GSDME: variants seen among roughly 807,000 people sequenced by gnomAD.
GSDME encodes the protein gasdermin-E.
Under a neutral mutation model 47.5 loss-of-function variants are expected in GSDME, and 44 were observed. The observed-to-expected ratio is 0.93, with a 90% CI of 0.73 to 1.19. GSDME has a LOEUF of 1.19. Among genes scored for constraint, GSDME ranks in the 50% most tolerant of loss-of-function variants. The pLI is 0.00. For synonymous variants in GSDME, 258 were observed against 252.8 expected, an observed-to-expected ratio of 1.02 and a Z score of -0.20; for missense variants, 663 against 604.2, an observed-to-expected ratio of 1.10 and a Z score of -1.02.
chr7:24,743,655 CTCCTT>C (rs1418530561), intron 3 of GSDME, among the ~76,000 whole-genome samples: 1 of 152,196 alleles, frequency 6.6e-6, no homozygotes, highest in Non-Finnish European at 1.5e-5. Context: ...CCCTCCGACT[CTCCTT>C]TCCTGCCCTC....
rs1240590980 is a variant in GSDME, at chr7:24,733,861, G to A, written c.404+10701C>T. On this transcript the variant is annotated intron_variant, in intron 3 of 9. Transcript: ENST00000645220. This position sits in a 1 kb window ranked among gnomAD's most constrained non-coding sequence, Gnocchi z 4.3. ...TGGGGCCCCAGGGAAATCACCTCAT[G>A]TCTGAGGGGAAGGACACAAGCCTGG... is the stretch of plus-strand genomic sequence containing the variant. Among the ~76,000 whole-genome samples, 1 of 152,218 alleles carries A rather than the reference G, an allele frequency of 6.6e-6. No homozygotes were observed. Among genetic ancestry groups the A allele is most frequent in the Non-Finnish European group, 1.5e-5 (1 of 68,034 alleles).
chr7:24,699,154 C>A lies in GSDME; in HGVS notation c.1363G>T (p.Ala455Ser), dbSNP rs776603496. 2 of 1,614,056 alleles carry A rather than the reference C, an allele frequency of 1.2e-6. No homozygotes were observed. The highest frequency in any genetic ancestry group is 2.7e-5 in the African/African-American group (2 of 74,928). Reference sequence around the variant, plus strand: ...TTCAGTCTCTCCAGACTAATGTCAGCTGAGGCAAACAAGCGCTGCACAATC... The same window carrying A: ...TTCAGTCTCTCCAGACTAATGTCAGATGAGGCAAACAAGCGCTGCACAATC... ...FGIVQRLFAS[A>S]DISLERLKSS... The change falls in exon 10 of 10, where the codon GCT becomes TCT. Residue 455 changes from alanine to serine, a missense_variant. Coordinates refer to ENST00000645220, the MANE Select transcript of GSDME (RefSeq NM_001127453.2).
the GSDME span, among the ~76,000 whole-genome samples, chr7:24,775,870 A>G: frequency 5.3e-5 from 4 of 75,076 alleles, no homozygotes; most frequent in African/African-American, 2.0e-4. Context: ...GTGAGATTCC[A>G]TCTCAAAAAA....
chr7:24,717,432 T>TC, intron 4 of GSDME, 58 bp from the exon 5 acceptor site: 2 of 1,613,044 alleles, frequency 1.2e-6, no homozygotes, highest in Non-Finnish European at 1.7e-6. Flanking sequence ...GCTGCTCTGT[T>TC]CCCCACTGCA....
In GSDME at chr7:24,705,971, G is replaced by A; in HGVS notation, c.1183+213C>T. The A allele has an allele frequency of 1.5e-6, 1 of 645,628 alleles. No homozygotes were observed. Among genetic ancestry groups the A allele is most frequent in the Admixed American group, 2.3e-5 (1 of 43,406 alleles). The allele number at this position is 645,628 out of a possible 1,614,324, so 40.0% of individuals were successfully genotyped here. On this transcript the variant is annotated intron_variant, in intron 8 of 9. Coordinates refer to ENST00000645220, the MANE Select transcript of GSDME (RefSeq NM_001127453.2). The surrounding 1 kb of genome is among the most constrained non-coding windows in gnomAD (Gnocchi z 4.1). ...GGAGAAGGGCCCTCCGGGAGAGTAG[G>A]GAGGCTTGTGCTGGATGGAAAGGCA...
intron 2 of GSDME, among the ~76,000 whole-genome samples, chr7:24,748,164 A>AT (rs1238017137): frequency 0.014 from 1,275 of 88,528 alleles, 27 homozygotes; most frequent in African/African-American, 0.059. Context: ...ATATATATAT[A>AT]TATATTTTTT....
At position 24,754,753 on chromosome 7, in the gene GSDME, T is replaced by C. The variant is rs1434219896; in HGVS notation, c.-20+2643A>G. 1.3e-5 allele frequency among the ~76,000 whole-genome samples: 2 copies of C among 152,180 alleles called. No homozygotes were observed. The highest frequency in any genetic ancestry group is 4.8e-5 in the African/African-American group (2 of 41,452). On this transcript the variant is annotated intron_variant, in intron 1 of 9. Transcript: ENST00000645220. This position sits in a 1 kb window ranked among gnomAD's most constrained non-coding sequence, Gnocchi z 5.0. ...TAATGACTGCAGGAGAAGATAACTATATTCACTACTGCCTGTTAAGACTGA... is the reference window on the plus strand; with the variant it reads ...TAATGACTGCAGGAGAAGATAACTACATTCACTACTGCCTGTTAAGACTGA...
At position 24,726,677 on chromosome 7, in the gene GSDME, G is replaced by A. The variant is rs2128056618; in HGVS notation, c.405-7459C>T. Among the ~76,000 whole-genome samples, 1 of 152,154 alleles carries A rather than the reference G, an allele frequency of 6.6e-6. No individual in the cohort carries two copies. Among genetic ancestry groups the A allele is most frequent in the Non-Finnish European group, 1.5e-5 (1 of 67,992 alleles). Reference sequence around the variant, plus strand: ...TCTCTACTAAAAATACAAAAAATCAGCCCGGCATAGTCCTGGCTACTCGGG... The same window carrying A: ...TCTCTACTAAAAATACAAAAAATCAACCCGGCATAGTCCTGGCTACTCGGG... On this transcript the variant is annotated intron_variant, in intron 3 of 9. Coordinates refer to ENST00000645220, the MANE Select transcript of GSDME (RefSeq NM_001127453.2). This position sits in a 1 kb window ranked among gnomAD's most constrained non-coding sequence, Gnocchi z 5.6.
the GSDME span, among the ~76,000 whole-genome samples, chr7:24,779,438 A>T: frequency 6.6e-6 from 1 of 151,532 alleles, no homozygotes; most frequent in Non-Finnish European, 1.5e-5. This position sits in a 1 kb window ranked among gnomAD's most constrained non-coding sequence, Gnocchi z 6.0. Flanking sequence ...GCCCAGGAGT[A>T]TGGCTGTTCC....
chr7:24,707,350 G>C (rs1195806158), intron 7 of GSDME: 1 of 471,386 alleles, frequency 2.1e-6, no homozygotes, highest in Non-Finnish European at 4.4e-6. Context: ...TGGCTGGAGG[G>C]TTGGCAGCTT....
chr7:24,715,051 A>G (rs531069768), intron 5 of GSDME, among the ~76,000 whole-genome samples: 1 of 152,384 alleles, frequency 6.6e-6, no homozygotes, highest in East Asian at 1.9e-4. Flanking sequence ...AAAGTCTCCC[A>G]TTTGTGCCAA....
intron 2 of GSDME, among the ~76,000 whole-genome samples, chr7:24,747,050 G>A (rs969195703): frequency 6.6e-6 from 1 of 152,188 alleles, no homozygotes; most frequent in African/African-American, 2.4e-5. Context: ...GACCGCCACT[G>A]GCCTCACCAA....
chr7:24,789,618 T>C, the GSDME span, among the ~76,000 whole-genome samples: 6 of 152,244 alleles, frequency 3.9e-5, no homozygotes, highest in African/African-American at 1.4e-4. Context: ...GATTTTTAAC[T>C]ACCAGGCCCA....
intron 3 of GSDME, among the ~76,000 whole-genome samples, chr7:24,734,322 G>A (rs1790234761): frequency 6.6e-6 from 1 of 152,134 alleles, no homozygotes. Context: ...AAGAAGGATG[G>A]GTATAAACAA....
Position 24,710,238 on chromosome 7 carries a change from C to T in GSDME, c.848G>A (p.Ser283Asn). The T allele has an allele frequency of 6.2e-7, 1 of 1,614,040 alleles. No homozygotes were observed. The highest frequency in any genetic ancestry group is 1.1e-5 in the South Asian group (1 of 91,070). The change falls in exon 6 of 10, where the codon AGT becomes AAT. Residue 283 changes from serine (S) to asparagine (N), a missense_variant. By Grantham distance (46) the Ser-to-Asn change is conservative. Coordinates refer to ENST00000645220, the MANE Select transcript of GSDME (RefSeq NM_001127453.2). The stretch of plus-strand genomic sequence containing the variant: ...GCTGGCAATACCTTGCTTTAAAACA[C>T]TTAATGGTCCATCCTGGGAAGATAT... ...HGISSQDGPL[S>N]VLKQATLLLE...
rs1432228929 is a variant in GSDME, at chr7:24,735,986, G to A, written c.404+8576C>T. Among the ~76,000 whole-genome samples the A allele has an allele frequency of 6.6e-6, 1 of 151,950 alleles. No homozygotes were observed. Among genetic ancestry groups the A allele is most frequent in the Admixed American group, 6.6e-5 (1 of 15,252 alleles). On this transcript the variant is annotated intron_variant, in intron 3 of 9. Coordinates refer to ENST00000645220, the MANE Select transcript of GSDME (RefSeq NM_001127453.2). This position sits in a 1 kb window ranked among gnomAD's most constrained non-coding sequence, Gnocchi z 4.4. The stretch of plus-strand genomic sequence containing the variant: ...AATAATGGGTTACAATAATGGGATG[G>A]TATTTGCAAGCCTCATGGTAACCTC...
intron 5 of GSDME, among the ~76,000 whole-genome samples, chr7:24,713,287 C>T (rs948012587): frequency 8.5e-5 from 13 of 152,048 alleles, no homozygotes; most frequent in Non-Finnish European, 1.6e-4. Flanking sequence ...GGCAGAGGGA[C>T]GGCGCCTCTC....
At chr7:24,701,865 G>GTCTT (rs1788882454) in intron 9 of GSDME, among the ~76,000 whole-genome samples, 1 of 152,122 alleles carries the variant, frequency 6.6e-6, no homozygotes, top group Non-Finnish European at 1.5e-5. Context: ...GTCTTCTAAT[G>GTCTT]TCTTTGCTAT....
intron 3 of GSDME, among the ~76,000 whole-genome samples, chr7:24,738,196 C>T (rs557390682): frequency 6.6e-6 from 1 of 152,136 alleles, no homozygotes; most frequent in South Asian, 2.1e-4. Flanking sequence ...TCCTTGTTTG[C>T]AGAAAACATG....
Sources: gnomAD v4.1 joint callset for allele counts (sites outside exome capture counted in the v4.1 genomes callset) on GRCh38, gnomAD v4.1.1 for gene constraint, Gnocchi (gnomAD v3.1) non-coding constraint, MANE v1.5 for transcripts, NCBI Gene and HGNC (gene_info 2026-07-23, HGNC 2026-07-21) for gene names.